Variants in NFYC observed in about 807,000 individuals in gnomAD.
NFYC encodes nuclear transcription factor Y subunit gamma.
NFYC carries 25 observed loss-of-function variants against 53.1 expected under a neutral mutation model. The observed-to-expected ratio is 0.47, with a 90% CI of 0.34 to 0.66. The LOEUF is 0.66. Ranked by LOEUF, NFYC falls within the 30% of genes least tolerant of loss-of-function variation. The probability of loss-of-function intolerance (pLI) is 0.01; values close to 1 mark genes in which losing one functional copy is unlikely to be tolerated. For synonymous variants in NFYC, 145 were observed against 152.6 expected (o/e 0.95, Z 0.37); for missense variants, 260 against 422.7 (o/e 0.62, Z 3.38).
intron 2 of NFYC, among the ~76,000 whole-genome samples, chr1:40,746,762 A>C (rs1481256726): frequency 6.6e-6 from 1 of 152,236 alleles, no homozygotes. Flanking sequence ...AAAGGGCTTA[A>C]GTCTCAAATT....
rs750393373 is a variant in NFYC, at chr1:40,770,434, C to T, written c.889-275C>T. The stretch of plus-strand genomic sequence containing the variant: ...CAGCAAGCTCGAGTCTCTGAGCTAA[C>T]GGGAGAGGCAGAGCCCAGAGAAGTG... On this transcript the variant is annotated intron_variant, in intron 9 of 9. Transcript: ENST00000447388. This position sits in a 1 kb window ranked among gnomAD's most constrained non-coding sequence, Gnocchi z 5.3. 3 of 1,550,276 alleles carry T rather than the reference C, an allele frequency of 1.9e-6. No individual in the cohort carries two copies. The highest frequency in any genetic ancestry group is 1.4e-5 in the African/African-American group (1 of 73,094).
In NFYC at chr1:40,766,723, A is replaced by G; in HGVS notation, c.828+20A>G. The G allele has an allele frequency of 6.2e-7, 1 of 1,606,126 alleles. No homozygotes were observed. Among genetic ancestry groups the G allele is most frequent in the Middle Eastern group, 1.7e-4 (1 of 6,042 alleles). ...CAACAGGTATGTGCCCCAGAGACAC[A>G]AGGCCTGTGTTGGAGACCAGGAGCA... On this transcript the variant is annotated intron_variant, in intron 8 of 9. Transcript: ENST00000447388.
chr1:40,752,203 C>T (rs765921101), intron 4 of NFYC, among the ~76,000 whole-genome samples: 2 of 152,152 alleles, frequency 1.3e-5, no homozygotes, highest in African/African-American at 2.4e-5. Flanking sequence ...TTTTACTATG[C>T]TTATTTTATT....
intron 6 of NFYC, among the ~76,000 whole-genome samples, chr1:40,762,281 T>C (rs1034267906): frequency 2.0e-5 from 3 of 152,188 alleles, no homozygotes; most frequent in Admixed American, 6.5e-5. Flanking sequence ...TTGCTCTCCT[T>C]TGGGAAGCCA....
chr1:40,747,495 T>C, intron 2 of NFYC, 39 bp from the exon 3 acceptor site: 1 of 1,462,266 alleles, frequency 6.8e-7, no homozygotes, highest in Middle Eastern at 1.7e-4. Flanking sequence ...CACTGTTGAT[T>C]GTCCCCACCA....
chr1:40,742,646 C>A (rs1168583872), intron 2 of NFYC, among the ~76,000 whole-genome samples: 1 of 152,164 alleles, frequency 6.6e-6, no homozygotes, highest in Non-Finnish European at 1.5e-5. Context: ...CATGCTATGT[C>A]TTTTATATCA....
chr1:40,712,079 T>C (rs140416949), intron 1 of NFYC, among the ~76,000 whole-genome samples: 54 of 152,344 alleles, frequency 3.5e-4, no homozygotes, highest in African/African-American at 1.3e-3. Context: ...CTACATAATA[T>C]TAGTTGTTAC....
chr1:40,691,864 A>C lies in NFYC; in HGVS notation c.-12A>C. The C allele has an allele frequency of 2.4e-6, 1 of 421,180 alleles. No homozygotes were observed. The highest frequency in any genetic ancestry group is 4.8e-6 in the Non-Finnish European group (1 of 207,914). The allele number at this position is 421,180 out of a possible 1,614,324, so 26.1% of individuals were successfully genotyped here. On this transcript the variant is annotated 5_prime_UTR_variant, in exon 1 of 10. Coordinates refer to ENST00000447388, the MANE Select transcript of NFYC (RefSeq NM_014223.5). ...TCCTGCTCTTCCTGGACTCCTGAGC[A>C]GAGGTGTGTGAGTGTGCGGGAGTTT...
At chr1:40,723,382 A>T (rs565567734) in intron 1 of NFYC, 1 of 152,172 alleles carries the variant, frequency 6.6e-6, no homozygotes, top group Admixed American at 6.5e-5. Flanking sequence ...GGCCTGAAAA[A>T]CCAGTTACTC....
chr1:40,717,794 T>G (rs1248090097), intron 1 of NFYC, among the ~76,000 whole-genome samples: 5 of 152,212 alleles, frequency 3.3e-5, no homozygotes, highest in Non-Finnish European at 7.4e-5. Context: ...AATGGCAGCA[T>G]CCTGCATGAA....
At chr1:40,696,946 A>G (rs1270735302) in intron 1 of NFYC, among the ~76,000 whole-genome samples, 1 of 152,188 alleles carries the variant, frequency 6.6e-6, no homozygotes, top group East Asian at 1.9e-4. Flanking sequence ...ATATAATGTA[A>G]GTAGATTAAT....
In NFYC at chr1:40,733,019, C is replaced by CCTT. The variant is rs35467973; in HGVS notation, c.-8-5817_-8-5816insCTT. Among the ~76,000 whole-genome samples, 44 of 103,174 alleles carry CCTT rather than the reference C, an allele frequency of 4.3e-4. 4 individuals carry two copies. Among genetic ancestry groups the CCTT allele is most frequent in the Middle Eastern group, 5.7e-3 (1 of 174 alleles). The allele number at this position is 103,174 out of a possible 152,430, so 67.7% of individuals were successfully genotyped here. A position where few individuals can be genotyped will look rare whatever the true frequency, so the allele number is the denominator to read the frequency against. The stretch of plus-strand genomic sequence containing the variant: ...GCTTTCCAAGATTCGCCCCCCCCCC[C>CCTT]TTTTTTTTTTTTCCTGAAAGGCCAT... On this transcript the variant is annotated intron_variant, in intron 1 of 9. Coordinates refer to ENST00000447388, the MANE Select transcript of NFYC (RefSeq NM_014223.5).
intron 1 of NFYC, among the ~76,000 whole-genome samples, chr1:40,729,518 AC>A (rs908640434): frequency 1.3e-5 from 2 of 152,100 alleles, no homozygotes; most frequent in Admixed American, 6.5e-5. Flanking sequence ...TTCTGTCTAG[AC>A]CACTGAAACT....
At chr1:40,750,569 A>G (rs539348325) in intron 4 of NFYC, among the ~76,000 whole-genome samples, 2 of 149,954 alleles carry the variant, frequency 1.3e-5, no homozygotes, top group Admixed American at 6.8e-5. Flanking sequence ...ATTTGTGTAC[A>G]TTACTATATG....
chr1:40,759,419 C>G (rs1646414625), intron 6 of NFYC, among the ~76,000 whole-genome samples: 1 of 151,814 alleles, frequency 6.6e-6, no homozygotes, highest in South Asian at 2.1e-4. Context: ...TCTTATGGCC[C>G]CAGCTACTTA....
Position 40,766,601 on chromosome 1 carries a change from G to A in NFYC, c.726G>A (p.Gln242=), listed in dbSNP as rs1339591302. ...TGTCTCTGCCCCTGCCCTAGGTGCA[G>A]CTGAATGCCGGCCAGCTGCAGTATA... ...NTGEIQQIPV[Q]LNAGQLQYIR... is the part of the protein sequence containing the mutation. The change falls in exon 8 of 10, where the codon CAG becomes CAA. Residue 242 remains glutamine, a synonymous_variant. Coordinates refer to ENST00000447388, the MANE Select transcript of NFYC (RefSeq NM_014223.5). The A allele has an allele frequency of 1.2e-6, 2 of 1,613,634 alleles. No individual in the cohort carries two copies. The highest frequency in any genetic ancestry group is 1.3e-5 in the African/African-American group (1 of 74,914).
intron 5 of NFYC, among the ~76,000 whole-genome samples, chr1:40,757,132 T>C (rs1391001877): frequency 6.6e-6 from 1 of 152,212 alleles, no homozygotes; most frequent in African/African-American, 2.4e-5. Flanking sequence ...ATTTAGCTAA[T>C]ATTTTTACTC....
At chr1:40,703,585 C>T (rs754316627) in intron 1 of NFYC, among the ~76,000 whole-genome samples, 6 of 151,716 alleles carry the variant, frequency 4.0e-5, no homozygotes, top group Non-Finnish European at 5.9e-5. Context: ...AGATGAGTCA[C>T]ACACTTGCCA....
At chr1:40,722,925 C>G (rs1644379260) in intron 1 of NFYC, among the ~76,000 whole-genome samples, 1 of 152,180 alleles carries the variant, frequency 6.6e-6, no homozygotes, top group South Asian at 2.1e-4. Context: ...ACAGCTTAAA[C>G]AGTGCAAAAA....
Sources: gnomAD v4.1 joint callset for allele counts (sites outside exome capture counted in the v4.1 genomes callset) on GRCh38, gnomAD v4.1.1 for gene constraint, Gnocchi (gnomAD v3.1) non-coding constraint, MANE v1.5 for transcripts, NCBI Gene and HGNC (gene_info 2026-07-23, HGNC 2026-07-21) for gene names.